The following SRP72 variants were observed in gnomAD, a reference collection of about 807,000 sequenced individuals.
SRP72 encodes signal recognition particle subunit SRP72.
Under a neutral mutation model 96.3 loss-of-function variants are expected in SRP72, and 49 were observed. The observed-to-expected ratio is 0.51, with a 90% CI of 0.40 to 0.65. The LOEUF is 0.65. Among genes scored for constraint, SRP72 ranks in the 30% least tolerant of loss-of-function variants. The probability of loss-of-function intolerance (pLI) is 0.00; values close to 1 mark genes in which losing one functional copy is unlikely to be tolerated. For synonymous variants in SRP72, 267 were observed against 275.2 expected, an observed-to-expected ratio of 0.97 and a Z score of 0.30; for missense variants, 736 against 793.3, an observed-to-expected ratio of 0.93 and a Z score of 0.87.
Position 56,489,621 on chromosome 4 carries a change from T to C in SRP72, c.1320+138T>C, listed in dbSNP as rs532421172. ...ATACTATTTAGATTATCAAATGCAT[T>C]TTTTTAGTATACCAGATCCAAATTA... On this transcript the variant is annotated intron_variant, in intron 13 of 18. Coordinates refer to ENST00000642900, the MANE Select transcript of SRP72 (RefSeq NM_006947.4). The C allele has an allele frequency of 6.7e-4, 316 of 468,204 alleles. 7 individuals are homozygous for C. The East Asian group carries it at 9.4e-3, about 14-fold the overall frequency. The allele number at this position is 468,204 out of a possible 1,614,324, so 29.0% of individuals were successfully genotyped here.
At chr4:56,478,154 C>CTTTTTTTTTTTTTTTTTTTTTTTTTTT (rs796835545) in intron 6 of SRP72, among the ~76,000 whole-genome samples, 2 of 115,782 alleles carry the variant, frequency 1.7e-5, no homozygotes, top group Admixed American at 8.8e-5. Flanking sequence ...TTTGCCTTTT[C>CTTTTTTTTTTTTTTTTTTTTTTTTTTT]TTTTTTTTTT....
At chr4:56,501,307 T>C (rs12648503) in intron 18 of SRP72, among the ~76,000 whole-genome samples, 49,802 of 151,678 alleles carry the variant, frequency 0.33, 8,506 homozygotes, top group East Asian at 0.47. Flanking sequence ...ACTCGGGTGG[T>C]TGAGGCAGGA....
intron 5 of SRP72, chr4:56,476,310 A>T (rs1375402374): frequency 4.7e-6 from 1 of 214,218 alleles, no homozygotes; most frequent in East Asian, 1.4e-4. Context: ...AATATTAAAA[A>T]ACTAAATAAC....
At chr4:56,477,732 A>C (rs563883151) in intron 6 of SRP72, among the ~76,000 whole-genome samples, 2 of 152,308 alleles carry the variant, frequency 1.3e-5, no homozygotes, top group South Asian at 4.1e-4. Context: ...GGGTCATTAA[A>C]GGACTGTTGT....
Position 56,502,746 on chromosome 4 carries a change from C to CT in SRP72, c.*886dup, listed in dbSNP as rs1721310749. ...TCCTCCATAGAGAAGAAATCAGTAT[C>CT]TGAGTTGCATACCAGGCAGTATTAA... is the stretch of plus-strand genomic sequence containing the variant. On this transcript the variant is annotated 3_prime_UTR_variant, in exon 19 of 19. Coordinates refer to ENST00000642900, the MANE Select transcript of SRP72 (RefSeq NM_006947.4). 1 of 152,026 alleles carries CT rather than the reference C, an allele frequency of 6.6e-6. No individual in the cohort carries two copies. The highest frequency in any genetic ancestry group is 2.4e-5 in the African/African-American group (1 of 41,390). 9.4% of individuals were successfully genotyped at this position (152,026 alleles called of 1,614,324 possible). A position where few individuals can be genotyped will look rare whatever the true frequency, so the allele number is the denominator to read the frequency against.
chr4:56,493,640 G>A (rs1389833809), intron 16 of SRP72, among the ~76,000 whole-genome samples: 46 of 152,112 alleles, frequency 3.0e-4, no homozygotes, highest in African/African-American at 8.7e-4. Context: ...CAAGGCAGGC[G>A]GATTACTTGA....
At chr4:56,480,259 C>T (rs1439489326) in intron 8 of SRP72, among the ~76,000 whole-genome samples, 3 of 152,040 alleles carry the variant, frequency 2.0e-5, no homozygotes, top group Admixed American at 2.0e-4. Flanking sequence ...AAATGCTTGT[C>T]AGGACAAATT....
At chr4:56,482,317 G>A (rs1347908948) in intron 8 of SRP72, among the ~76,000 whole-genome samples, 11 of 151,258 alleles carry the variant, frequency 7.3e-5, no homozygotes, top group South Asian at 2.1e-4. Flanking sequence ...GCATGGTGGC[G>A]GGCACCTGTA....
chr4:56,476,556 T>TA (rs1161617845), intron 5 of SRP72, 115 bp from the exon 6 acceptor site: 33 of 1,075,284 alleles, frequency 3.1e-5, no homozygotes, highest in Non-Finnish European at 4.5e-5. Context: ...AACTGCTTGT[T>TA]ACTACGATTA....
intron 3 of SRP72, among the ~76,000 whole-genome samples, chr4:56,473,751 G>A (rs143834644): frequency 6.3e-4 from 96 of 151,520 alleles, no homozygotes; most frequent in Middle Eastern, 3.4e-3. Context: ...GGCAACAAGA[G>A]CGAAACTCCG....
At chr4:56,482,571 A>G (rs868088779) in intron 8 of SRP72, among the ~76,000 whole-genome samples, 4 of 152,164 alleles carry the variant, frequency 2.6e-5, no homozygotes, top group South Asian at 2.1e-4. Flanking sequence ...GACTCCTTCT[A>G]TTGTAATATT....
intron 16 of SRP72, 69 bp from the exon 17 acceptor site, chr4:56,495,288 G>T: frequency 9.2e-7 from 1 of 1,083,590 alleles, no homozygotes; most frequent in South Asian, 1.5e-5. Context: ...AACTCTTATA[G>T]AGCACTTACT....
chr4:56,496,451 T>C (rs756539143), intron 17 of SRP72, among the ~76,000 whole-genome samples: 6 of 152,234 alleles, frequency 3.9e-5, no homozygotes, highest in Non-Finnish European at 7.3e-5. Context: ...TTGGTTCTTT[T>C]GTCACAGTAC....
At chr4:56,497,215 T>A (rs759518139) in intron 17 of SRP72, among the ~76,000 whole-genome samples, 75 of 149,902 alleles carry the variant, frequency 5.0e-4, no homozygotes, top group Admixed American at 8.8e-4. Context: ...TATTTTATTT[T>A]ATTTATTTAT....
At chr4:56,482,210 G>A (rs1369706960) in intron 8 of SRP72, among the ~76,000 whole-genome samples, 2 of 151,504 alleles carry the variant, frequency 1.3e-5, no homozygotes, top group African/African-American at 4.8e-5. Flanking sequence ...GGGAGGCCTA[G>A]GTGGGCGAAT....
intron 8 of SRP72, among the ~76,000 whole-genome samples, chr4:56,481,656 A>G (rs1720490169): frequency 2.0e-5 from 3 of 152,112 alleles, no homozygotes; most frequent in South Asian, 2.1e-4. Context: ...ATTGCCTTAC[A>G]GAGTCACTAC....
At chr4:56,481,635 G>A (rs1720489663) in intron 8 of SRP72, among the ~76,000 whole-genome samples, 1 of 152,056 alleles carries the variant, frequency 6.6e-6, no homozygotes, top group African/African-American at 2.4e-5. Context: ...ATATGTTTCT[G>A]AGGTTTCATG....
intron 8 of SRP72, among the ~76,000 whole-genome samples, chr4:56,482,153 T>A (rs1301278900): frequency 1.3e-5 from 2 of 148,844 alleles, no homozygotes; most frequent in Non-Finnish European, 3.0e-5. Context: ...AATAAAGGTA[T>A]GTACTGGGCC....
intron 17 of SRP72, among the ~76,000 whole-genome samples, chr4:56,498,049 C>T (rs1185273378): frequency 6.6e-6 from 1 of 152,000 alleles, no homozygotes; most frequent in Non-Finnish European, 1.5e-5. Context: ...TTTTTTTCCA[C>T]TCCTCTATTA....
Sources: gnomAD v4.1 joint callset for allele counts (sites outside exome capture counted in the v4.1 genomes callset) on GRCh38, gnomAD v4.1.1 for gene constraint, MANE v1.5 for transcripts, NCBI Gene and HGNC (gene_info 2026-07-23, HGNC 2026-07-21) for gene names.